Variants in ADAMTS18 observed in about 807,000 individuals in gnomAD.
ADAMTS18 encodes A disintegrin and metalloproteinase with thrombospondin motifs 18.
ADAMTS18 carries 157 observed loss-of-function variants against 165.9 expected under a neutral mutation model. That is an observed-to-expected ratio of 0.95 (90% CI 0.83 to 1.08). The LOEUF (loss-of-function observed/expected upper bound fraction) is 1.08. Ranked by LOEUF, ADAMTS18 falls within the 50% of genes least tolerant of loss-of-function variation. The pLI is 0.00. For synonymous variants in ADAMTS18, 782 were observed against 578.2 expected, an observed-to-expected ratio of 1.35 and a Z score of -5.06; for missense variants, 2,040 against 1,534.0, an observed-to-expected ratio of 1.33 and a Z score of -5.51.
At chr16:77,422,275 G>C (rs941487323) in intron 3 of ADAMTS18, among the ~76,000 whole-genome samples, 1 of 151,956 alleles carries the variant, frequency 6.6e-6, no homozygotes, top group Non-Finnish European at 1.5e-5. Context: ...CTTCTTCTCA[G>C]GTATTATATA....
intron 3 of ADAMTS18, among the ~76,000 whole-genome samples, chr16:77,429,710 A>G (rs2057715794): frequency 6.6e-6 from 1 of 152,316 alleles, no homozygotes; most frequent in East Asian, 1.9e-4. Flanking sequence ...GAGACAATTG[A>G]TAAGATTTCC....
chr16:77,384,613 T>C lies in ADAMTS18; in HGVS notation c.496-16890A>G, dbSNP rs77826759. Among the ~76,000 whole-genome samples, 668 of 152,300 alleles carry C rather than the reference T, an allele frequency of 4.4e-3. 11 individuals are homozygous for C. Among genetic ancestry groups the C allele is most frequent in the African/African-American group, 0.016 (646 of 41,554 alleles). On this transcript the variant is annotated intron_variant, in intron 3 of 22. Transcript: ENST00000282849. Reference sequence around the variant, plus strand: ...AATGGAAAAGCCATAAAAACCAATGTACGTTATAGAAAACCCTGGCTAACA... The same window carrying C: ...AATGGAAAAGCCATAAAAACCAATGCACGTTATAGAAAACCCTGGCTAACA...
chr16:77,346,956 C>T (rs1209954847), intron 10 of ADAMTS18, among the ~76,000 whole-genome samples: 2 of 152,178 alleles, frequency 1.3e-5, no homozygotes, highest in African/African-American at 2.4e-5. Context: ...CCCCTGTCCC[C>T]TTTTGCAGTC....
chr16:77,319,699 T>G, intron 16 of ADAMTS18, 150 bp downstream of exon 16: 1 of 1,329,628 alleles, frequency 7.5e-7, no homozygotes, highest in Non-Finnish European at 1.1e-6. Flanking sequence ...CACCTCAGCC[T>G]CCCAAAGTGC....
At position 77,364,212 on chromosome 16, in the gene ADAMTS18, TGTG is replaced by T; in HGVS notation, c.945_947del (p.Thr316del). ...CCATGTTCATTACTGTGAGAATGTA[TGTG>T]GTGACATTTCCCTTGCCATGCTTTT... On this transcript the variant is annotated inframe_deletion, in exon 5 of 23. Transcript: ENST00000282849. The T allele has an allele frequency of 6.2e-7, 1 of 1,614,124 alleles. No homozygotes were observed. Among genetic ancestry groups the T allele is most frequent in the South Asian group, 1.1e-5 (1 of 91,072 alleles).
chr16:77,376,334 A>G (rs2056952328), intron 3 of ADAMTS18, among the ~76,000 whole-genome samples: 1 of 152,200 alleles, frequency 6.6e-6, no homozygotes, highest in African/African-American at 2.4e-5. Context: ...CACCCCCAAG[A>G]TCCAATCACC....
Position 77,283,857 on chromosome 16 carries a change from T to C in ADAMTS18, c.*99A>G. On this transcript the variant is annotated 3_prime_UTR_variant, in exon 23 of 23. Transcript: ENST00000282849. ...CTTCATCACAGCGGCAGCTCACAGA[T>C]GGTTCTCGGTGCTCAGCTCCTGGTC... The C allele has an allele frequency of 1.1e-6, 1 of 916,146 alleles. No individual in the cohort carries two copies. The allele number at this position is 916,146 out of a possible 1,614,324, so 56.8% of individuals were successfully genotyped here. A position where few individuals can be genotyped will look rare whatever the true frequency, so the allele number is the denominator to read the frequency against.
chr16:77,379,249 G>GC lies in ADAMTS18; in HGVS notation c.496-11527dup, dbSNP rs201050794. Among the ~76,000 whole-genome samples the GC allele has an allele frequency of 8.0e-3, 1,213 of 152,276 alleles. 18 individuals are homozygous for GC. Among genetic ancestry groups the GC allele is most frequent in the African/African-American group, 0.028 (1,156 of 41,564 alleles). ...TCACCAATTCAAATGTTTAACTCCA[G>GC]CCTTCGTCCATTCTGAAGGCTCAAT... On this transcript the variant is annotated intron_variant, in intron 3 of 22. Coordinates refer to ENST00000282849, the MANE Select transcript of ADAMTS18 (RefSeq NM_199355.4).
At chr16:77,351,197 C>T (rs942761324) in intron 10 of ADAMTS18, among the ~76,000 whole-genome samples, 15 of 152,164 alleles carry the variant, frequency 9.9e-5, no homozygotes, top group African/African-American at 2.9e-4. Context: ...GTGGGGAAAA[C>T]AAGCTTCAGA....
chr16:77,408,517 C>A (rs191725293), intron 3 of ADAMTS18, among the ~76,000 whole-genome samples: 1 of 151,992 alleles, frequency 6.6e-6, no homozygotes, highest in African/African-American at 2.4e-5. Flanking sequence ...TTTGAAGAAA[C>A]GAGAATAAAC....
chr16:77,342,247 C>T (rs1017073290), intron 10 of ADAMTS18, among the ~76,000 whole-genome samples: 1 of 152,168 alleles, frequency 6.6e-6, no homozygotes, highest in African/African-American at 2.4e-5. Context: ...CAATAGCGAT[C>T]AAATGAGCAC....
At chr16:77,346,502 A>G (rs2056478952) in intron 10 of ADAMTS18, among the ~76,000 whole-genome samples, 1 of 152,204 alleles carries the variant, frequency 6.6e-6, no homozygotes, top group Admixed American at 6.5e-5. Context: ...AACCTGGCAA[A>G]CAGTATATGC....
At chr16:77,320,194 G>A (rs146342853) in intron 15 of ADAMTS18, 101 bp from the exon 16 acceptor site, 3 of 1,406,230 alleles carry the variant, frequency 2.1e-6, no homozygotes, top group African/African-American at 2.8e-5. Flanking sequence ...ATAGAGTGAG[G>A]TTTTTAAATC....
chr16:77,323,802 C>T (rs969043208), intron 13 of ADAMTS18, among the ~76,000 whole-genome samples: 4 of 152,152 alleles, frequency 2.6e-5, no homozygotes, highest in Non-Finnish European at 4.4e-5. Flanking sequence ...GTTTCTGTCT[C>T]CCTCCACTGA....
chr16:77,346,091 G>T (rs2056471693), intron 10 of ADAMTS18, among the ~76,000 whole-genome samples: 1 of 152,146 alleles, frequency 6.6e-6, no homozygotes, highest in South Asian at 2.1e-4. Flanking sequence ...TCAACTATCT[G>T]CATCTCTCTC....
At chr16:77,391,127 A>C (rs941513399) in intron 3 of ADAMTS18, among the ~76,000 whole-genome samples, 1 of 152,198 alleles carries the variant, frequency 6.6e-6, no homozygotes, top group South Asian at 2.1e-4. Flanking sequence ...ACATAAAGGC[A>C]TAAGTTAAAC....
Position 77,297,310 on chromosome 16 carries a change from T to C in ADAMTS18, c.2780A>G (p.Asn927Ser), listed in dbSNP as rs780126142. The change falls in exon 18 of 23, where the codon AAC (asparagine) becomes AGC (serine). Residue 927 changes from asparagine (N) to serine (S), a missense_variant. Coordinates refer to ENST00000282849, the MANE Select transcript of ADAMTS18 (RefSeq NM_199355.4). ...TTACTAAGCCGGGCAGGAGAAAGCG[T>C]TGCAGATTTTGGGCTCAGTTACTGG... ...TKPVTEPKIC[N>S]AFSCPAYWMP... 1.9e-6 allele frequency: 3 copies of C among 1,614,072 alleles called. No homozygotes were observed. Among genetic ancestry groups the C allele is most frequent in the African/African-American group, 2.7e-5 (2 of 74,934 alleles).
At chr16:77,391,979 G>C (rs1335495072) in intron 3 of ADAMTS18, among the ~76,000 whole-genome samples, 1 of 152,120 alleles carries the variant, frequency 6.6e-6, no homozygotes, top group African/African-American at 2.4e-5. Context: ...GCATTTCATT[G>C]ATTACCTATG....
chr16:77,342,700 G>A lies in ADAMTS18; in HGVS notation c.1615-901C>T, dbSNP rs76245396. 4.1e-3 allele frequency among the ~76,000 whole-genome samples: 631 copies of A among 152,248 alleles called. 7 individuals carry two copies. The highest frequency in any genetic ancestry group is 0.014 in the African/African-American group (588 of 41,542). The stretch of plus-strand genomic sequence containing the variant: ...CTAGACTGTGGTACACAGAATAATG[G>A]CCCCCAAAGATGTTCGCATACTAAT... On this transcript the variant is annotated intron_variant, in intron 10 of 22. Coordinates refer to ENST00000282849, the MANE Select transcript of ADAMTS18 (RefSeq NM_199355.4).
Sources: allele counts gnomAD v4.1 joint callset (sites outside exome capture counted in the v4.1 genomes callset), GRCh38; gene constraint gnomAD v4.1.1; transcripts MANE v1.5; gene names NCBI Gene and HGNC (gene_info 2026-07-23, HGNC 2026-07-21).